Variants in PDE11A observed in about 807,000 individuals in gnomAD.
The protein encoded by PDE11A is phosphodiesterase 11A.
A neutral mutation model predicts 100.5 loss-of-function variants in PDE11A; 100 were observed. The ratio of observed to expected loss-of-function variants is 1.00; its 90% CI spans 0.85 to 1.18. The LOEUF (loss-of-function observed/expected upper bound fraction) is 1.18. PDE11A is among the 50% of genes most tolerant of loss of function. The pLI is 0.00. For synonymous variants in PDE11A, 381 were observed against 420.8 expected (o/e 0.91, Z 1.16); for missense variants, 1,141 against 1,152.6 (o/e 0.99, Z 0.15).
At chr2:177,948,891 CAG>C (rs1363564164) in intron 2 of PDE11A, among the ~76,000 whole-genome samples, 1 of 152,120 alleles carries the variant, frequency 6.6e-6, no homozygotes, top group East Asian at 1.9e-4. Context: ...GCCTGGGTGA[CAG>C]AGTGACATCT....
intron 5 of PDE11A, among the ~76,000 whole-genome samples, chr2:177,866,449 A>G (rs1221516460): frequency 6.6e-6 from 1 of 152,216 alleles, no homozygotes; most frequent in African/African-American, 2.4e-5. Context: ...TCCACAGAGC[A>G]CTGTGGTCAA....
At chr2:177,725,630 G>A (rs1196684474) in intron 12 of PDE11A, among the ~76,000 whole-genome samples, 1 of 151,988 alleles carries the variant, frequency 6.6e-6, no homozygotes, top group African/African-American at 2.4e-5. Context: ...ACTGTACCCT[G>A]GAAATATTCT....
chr2:178,001,645 T>A (rs903971876), intron 2 of PDE11A, among the ~76,000 whole-genome samples: 6 of 152,184 alleles, frequency 3.9e-5, no homozygotes, highest in African/African-American at 7.2e-5. Flanking sequence ...GTTCCAAACT[T>A]GTTTCCTTAG....
intron 6 of PDE11A, among the ~76,000 whole-genome samples, chr2:177,836,772 C>T (rs557429279): frequency 2.0e-5 from 3 of 152,172 alleles, no homozygotes; most frequent in South Asian, 2.1e-4. Context: ...CAACTCCGGA[C>T]GGGAGGAACA....
chr2:177,871,373 G>C (rs909356732), intron 5 of PDE11A, among the ~76,000 whole-genome samples: 1 of 151,984 alleles, frequency 6.6e-6, no homozygotes, highest in Non-Finnish European at 1.5e-5. Context: ...TAGTGCTGGG[G>C]AGCTGTGGCA....
At position 177,997,842 on chromosome 2, in the gene PDE11A, T is replaced by C. The variant is rs1009037223; in HGVS notation, c.1071+16460A>G. 8.1e-6 allele frequency: 11 copies of C among 1,365,976 alleles called. No individual in the cohort carries two copies. The Admixed American group carries it at 1.2e-4, about 15-fold the overall frequency. The allele number at this position is 1,365,976 out of a possible 1,614,324, so 84.6% of individuals were successfully genotyped here. ...GCATGTATTCCAATAACTTATCAAA[T>C]AGTTTCCCTAAATTTGTTTCTAGTT... On this transcript the variant is annotated intron_variant, in intron 2 of 19. Coordinates refer to ENST00000286063, the MANE Select transcript of PDE11A (RefSeq NM_016953.4).
At chr2:178,022,348 G>GT (rs1029895952) in intron 1 of PDE11A, among the ~76,000 whole-genome samples, 2 of 152,218 alleles carry the variant, frequency 1.3e-5, no homozygotes, top group African/African-American at 4.8e-5. Context: ...GAGGAACGCA[G>GT]TAAGGAACAG....
In PDE11A at chr2:177,680,861, G is replaced by C. The variant is rs61745593; in HGVS notation, c.2388C>G (p.Tyr796Ter). Residue 796 changes from tyrosine to a stop codon, truncating the protein, a stop_gained, in exon 16 of 20, where the codon TAC becomes TAG. Coordinates refer to ENST00000286063, the MANE Select transcript of PDE11A (RefSeq NM_016953.4). LOFTEE classifies it high-confidence loss of function. ...CACGATGGTTTTTGATGTTCCAATC[G>C]TATTCTCCTTTACTGACAAGTTCAA... is the stretch of plus-strand genomic sequence containing the variant. ...EFFELVSKGE[Y>*]DWNIKNHRDI... 6.3e-6 allele frequency: 10 copies of C among 1,592,326 alleles called. No homozygotes were observed. The East Asian group carries it at 2.2e-4, about 36-fold the overall frequency.
At chr2:177,914,732 A>T (rs2084928354) in intron 2 of PDE11A, among the ~76,000 whole-genome samples, 1 of 152,196 alleles carries the variant, frequency 6.6e-6, no homozygotes, top group South Asian at 2.1e-4. Flanking sequence ...TGAACATACG[A>T]ACATAAAATT....
At chr2:177,686,783 T>C (rs6718206) in intron 15 of PDE11A, 28,592 of 150,284 alleles carry the variant, frequency 0.19, 4,442 homozygotes, top group African/African-American at 0.43. Flanking sequence ...GATCTTGGCT[T>C]ACTGCAACCT....
chr2:178,066,043 C>A (rs1426186276), intron 1 of PDE11A, among the ~76,000 whole-genome samples: 3 of 151,970 alleles, frequency 2.0e-5, no homozygotes, highest in Non-Finnish European at 4.4e-5. Context: ...TGTTTTCCAA[C>A]TCCTCTCTTC....
At chr2:177,725,223 G>C (rs1279972373) in intron 12 of PDE11A, among the ~76,000 whole-genome samples, 1 of 152,018 alleles carries the variant, frequency 6.6e-6, no homozygotes, top group African/African-American at 2.4e-5. Flanking sequence ...TGATTGAGTC[G>C]TCTTTGTTAC....
rs1160412863 is a variant in PDE11A, at chr2:177,688,105, T to C, written c.2346-7202A>G. Reference sequence around the variant, plus strand: ...GCATAAACCTTTGGGCCAGATAGCTTTTCATGTTGTAAGTGTATGGACAGT... The same window carrying C: ...GCATAAACCTTTGGGCCAGATAGCTCTTCATGTTGTAAGTGTATGGACAGT... On this transcript the variant is annotated intron_variant, in intron 15 of 19. Transcript: ENST00000286063. The C allele has an allele frequency of 2.6e-5, 4 of 152,208 alleles. No homozygotes were observed. The East Asian group carries it at 7.7e-4, about 29-fold the overall frequency. 9.4% of individuals were successfully genotyped at this position (152,208 alleles called of 1,614,324 possible). A position where few individuals can be genotyped will look rare whatever the true frequency, so the allele number is the denominator to read the frequency against.
chr2:178,042,380 A>G (rs1338942698), intron 1 of PDE11A, among the ~76,000 whole-genome samples: 1 of 151,762 alleles, frequency 6.6e-6, no homozygotes, highest in Admixed American at 6.6e-5. Flanking sequence ...TAGGAAGCGG[A>G]GGCTGGAAGA....
At chr2:177,998,937 G>A (rs1412221107) in intron 2 of PDE11A, among the ~76,000 whole-genome samples, 1 of 152,088 alleles carries the variant, frequency 6.6e-6, no homozygotes, top group Non-Finnish European at 1.5e-5. Flanking sequence ...ACATCATCCG[G>A]ATCAAATCTT....
chr2:177,713,938 C>T (rs955972556), intron 12 of PDE11A, among the ~76,000 whole-genome samples: 34 of 140,892 alleles, frequency 2.4e-4, no homozygotes, highest in African/African-American at 8.7e-4. Flanking sequence ...TTTCTATTTT[C>T]TTTTTCACCT....
At chr2:178,105,674 G>A in intron 1 of PDE11A, 1 of 777,060 alleles carries the variant, frequency 1.3e-6, no homozygotes, top group South Asian at 2.6e-5. Context: ...GTACAGGATG[G>A]CATAATGAAG....
chr2:177,818,174 C>T (rs73036067), intron 7 of PDE11A, among the ~76,000 whole-genome samples: 14,906 of 151,740 alleles, frequency 0.098, 764 homozygotes, highest in Middle Eastern at 0.14. Context: ...TAATCTGATT[C>T]TAGATGACTA....
At chr2:178,037,869 CAG>C (rs1208438124) in intron 1 of PDE11A, among the ~76,000 whole-genome samples, 4 of 151,630 alleles carry the variant, frequency 2.6e-5, no homozygotes, top group African/African-American at 9.7e-5. Context: ...CAGGGCCTGT[CAG>C]GGGGTGGGGG....
Sources: allele counts gnomAD v4.1 joint callset (sites outside exome capture counted in the v4.1 genomes callset), GRCh38; gene constraint gnomAD v4.1.1; transcripts MANE v1.5; gene names NCBI Gene and HGNC (gene_info 2026-07-23, HGNC 2026-07-21).